CSMD1: variants seen among roughly 807,000 people sequenced by gnomAD.
CSMD1 encodes CUB and sushi domain-containing protein 1.
Under a neutral mutation model 417.5 loss-of-function variants are expected in CSMD1, and 213 were observed. The observed-to-expected ratio is 0.51, with a 90% CI of 0.46 to 0.57. The LOEUF (loss-of-function observed/expected upper bound fraction) is 0.57, where lower values mean the gene tolerates loss of function less well. Ranked by LOEUF, CSMD1 falls within the 20% of genes least tolerant of loss-of-function variation. The probability of loss-of-function intolerance (pLI) is 0.00; values close to 1 mark genes in which losing one functional copy is unlikely to be tolerated. For synonymous variants in CSMD1, 2,862 were observed against 1,736.8 expected, an observed-to-expected ratio of 1.65 and a Z score of -16.11; for missense variants, 6,923 against 4,529.7, an observed-to-expected ratio of 1.53 and a Z score of -15.17.
At chr8:4,367,845 T>G (rs931707140) in intron 3 of CSMD1, among the ~76,000 whole-genome samples, 2 of 152,216 alleles carry the variant, frequency 1.3e-5, no homozygotes, top group African/African-American at 4.8e-5. Flanking sequence ...GTGTTCTTAA[T>G]TCGGCTTTGA....
At position 3,287,736 on chromosome 8, in the gene CSMD1, C is replaced by G. The variant is rs149156733; in HGVS notation, c.3951-3390G>C. ...ATGGGGTTTTCTCCATATACAATCACGTCATCTGCCAACAGGGACAATTTG... is the reference window on the plus strand; with the variant it reads ...ATGGGGTTTTCTCCATATACAATCAGGTCATCTGCCAACAGGGACAATTTG... On this transcript the variant is annotated intron_variant, in intron 25 of 69. Transcript: ENST00000635120. Among the ~76,000 whole-genome samples, 4 of 152,070 alleles carry G rather than the reference C, an allele frequency of 2.6e-5. No homozygotes were observed. In the South Asian group the frequency reaches 8.3e-4, roughly 31 times the overall value.
At chr8:3,618,472 T>A (rs1043205331) in intron 7 of CSMD1, among the ~76,000 whole-genome samples, 1 of 128,836 alleles carries the variant, frequency 7.8e-6, no homozygotes, top group Non-Finnish European at 1.6e-5. Context: ...TTAAAATAAG[T>A]TTTTTTTAAT....
intron 1 of CSMD1, among the ~76,000 whole-genome samples, chr8:4,806,192 C>G (rs1009373565): frequency 3.3e-4 from 50 of 152,310 alleles, no homozygotes; most frequent in African/African-American, 1.2e-3. Flanking sequence ...CAGCCACACT[C>G]TAGACAACCA....
At chr8:3,130,158 A>C (rs1016315489) in intron 41 of CSMD1, among the ~76,000 whole-genome samples, 5 of 152,202 alleles carry the variant, frequency 3.3e-5, no homozygotes, top group African/African-American at 1.2e-4. Flanking sequence ...GATCATGCTC[A>C]TTAAAAATGG....
chr8:3,981,386 G>A (rs1298398476), intron 5 of CSMD1, among the ~76,000 whole-genome samples: 2 of 151,312 alleles, frequency 1.3e-5, no homozygotes, highest in Non-Finnish European at 2.9e-5. Context: ...CAACAAATAT[G>A]GTGCAGTGTA....
At chr8:4,831,625 C>G (rs1563527085) in intron 1 of CSMD1, among the ~76,000 whole-genome samples, 3 of 152,104 alleles carry the variant, frequency 2.0e-5, no homozygotes, top group Non-Finnish European at 1.5e-5. Context: ...GACACTCTTT[C>G]TTTCGCTTTG....
intron 3 of CSMD1, among the ~76,000 whole-genome samples, chr8:4,061,497 A>G (rs1236483153): frequency 6.6e-6 from 1 of 152,220 alleles, no homozygotes; most frequent in Non-Finnish European, 1.5e-5. Context: ...TTAAATAAAA[A>G]CTGTAAAGTA....
At chr8:4,888,942 A>G (rs990655249) in intron 1 of CSMD1, among the ~76,000 whole-genome samples, 5 of 152,132 alleles carry the variant, frequency 3.3e-5, no homozygotes, top group Non-Finnish European at 5.9e-5. Context: ...AGGAGAAGGG[A>G]AAATCTTTAC....
chr8:4,052,048 G>A (rs1798460328), intron 3 of CSMD1, among the ~76,000 whole-genome samples: 1 of 151,842 alleles, frequency 6.6e-6, no homozygotes, highest in South Asian at 2.1e-4. Context: ...GGATTATCCT[G>A]CCTCAGCCTC....
At chr8:4,030,292 C>T (rs531104607) in intron 4 of CSMD1, among the ~76,000 whole-genome samples, 5 of 152,284 alleles carry the variant, frequency 3.3e-5, no homozygotes, top group South Asian at 4.1e-4. Context: ...CCATGAGGAC[C>T]GCCACCCATA....
intron 8 of CSMD1, among the ~76,000 whole-genome samples, chr8:3,603,407 G>A (rs989676094): frequency 3.9e-5 from 6 of 152,096 alleles, no homozygotes; most frequent in African/African-American, 1.4e-4. Context: ...CGTCAGGAAA[G>A]GCTTGCGAGC....
At chr8:4,183,836 A>T (rs1005803237) in intron 3 of CSMD1, among the ~76,000 whole-genome samples, 1 of 152,142 alleles carries the variant, frequency 6.6e-6, no homozygotes, top group East Asian at 1.9e-4. Context: ...CCCCTCCTGG[A>T]TTGCCCACCT....
At chr8:3,842,188 T>C (rs944587108) in intron 5 of CSMD1, among the ~76,000 whole-genome samples, 3 of 152,294 alleles carry the variant, frequency 2.0e-5, no homozygotes, top group African/African-American at 4.8e-5. Flanking sequence ...CCTAGCATCA[T>C]TGTAATATTC....
At chr8:4,327,314 C>T (rs539800455) in intron 3 of CSMD1, among the ~76,000 whole-genome samples, 1 of 152,202 alleles carries the variant, frequency 6.6e-6, no homozygotes, top group South Asian at 2.1e-4. Context: ...TCCTTCTTTT[C>T]AAGAGCAATT....
At chr8:4,379,358 G>C (rs1802956029) in intron 3 of CSMD1, among the ~76,000 whole-genome samples, 1 of 152,190 alleles carries the variant, frequency 6.6e-6, no homozygotes. Context: ...CAGGAGACAG[G>C]AGGAATAAAT....
intron 1 of CSMD1, among the ~76,000 whole-genome samples, chr8:4,729,152 G>T (rs951903139): frequency 6.6e-6 from 1 of 152,108 alleles, no homozygotes; most frequent in African/African-American, 2.4e-5. Context: ...CACAAGGACA[G>T]GCTAATGAGA....
chr8:3,093,235 T>C (rs139292587), intron 47 of CSMD1, among the ~76,000 whole-genome samples: 1 of 152,288 alleles, frequency 6.6e-6, no homozygotes, highest in African/African-American at 2.4e-5. Context: ...GATGTCTTTC[T>C]AAGAAAAGGA....
chr8:4,803,010 C>T (rs948232754), intron 1 of CSMD1, among the ~76,000 whole-genome samples: 5 of 152,004 alleles, frequency 3.3e-5, no homozygotes, highest in African/African-American at 1.2e-4. Flanking sequence ...GTAAAGTCAC[C>T]AGATATCATT....
intron 68 of CSMD1, among the ~76,000 whole-genome samples, chr8:2,944,354 G>A (rs1202892677): frequency 1.3e-5 from 2 of 152,204 alleles, no homozygotes; most frequent in African/African-American, 2.4e-5. Flanking sequence ...TGTGTGCACT[G>A]AGGGTGGTCC....
Sources: allele counts gnomAD v4.1 joint callset (sites outside exome capture counted in the v4.1 genomes callset), GRCh38; gene constraint gnomAD v4.1.1; transcripts MANE v1.5; gene names NCBI Gene and HGNC (gene_info 2026-07-23, HGNC 2026-07-21).